Variants in PRDM1 observed in about 807,000 individuals in gnomAD.
PRDM1 encodes the protein PR/SET domain 1.
A neutral mutation model predicts 62.8 loss-of-function variants in PRDM1; 13 were observed. The ratio of observed to expected loss-of-function variants is 0.21; its 90% CI spans 0.13 to 0.33. The LOEUF (loss-of-function observed/expected upper bound fraction) is 0.33, where lower values mean the gene tolerates loss of function less well. PRDM1 is among the 10% of genes least tolerant of loss of function. The pLI is 1.00. For missense variants in PRDM1, 895 were observed against 1,058.8 expected (o/e 0.85, Z 2.15); for synonymous variants, 396 against 417.6 (o/e 0.95, Z 0.63).
intron 1 of PRDM1, among the ~76,000 whole-genome samples, chr6:106,072,951 T>G (rs1436998367): frequency 1.3e-5 from 2 of 151,748 alleles, no homozygotes; most frequent in African/African-American, 4.8e-5. Flanking sequence ...TACAAGGGAG[T>G]AGTAGAAGGG....
chr6:106,095,188 C>T (rs1774078151), intron 2 of PRDM1, among the ~76,000 whole-genome samples: 1 of 152,288 alleles, frequency 6.6e-6, no homozygotes, highest in South Asian at 2.1e-4. Flanking sequence ...TTATTCCCCT[C>T]AAGCACACTA....
At chr6:105,999,557 A>G (rs1772403423) in intron 1 of PRDM1, among the ~76,000 whole-genome samples, 1 of 152,076 alleles carries the variant, frequency 6.6e-6, no homozygotes, top group South Asian at 2.1e-4. Context: ...GCCTTACACT[A>G]AGTCCTCTCA....
At chr6:106,069,496 G>A (rs1004309296) in intron 1 of PRDM1, among the ~76,000 whole-genome samples, 1 of 152,138 alleles carries the variant, frequency 6.6e-6, no homozygotes, top group Admixed American at 6.6e-5. Flanking sequence ...TTTTATAGTT[G>A]TAACAATCAT....
At chr6:106,072,526 G>A (rs966222649) in intron 1 of PRDM1, among the ~76,000 whole-genome samples, 1 of 152,172 alleles carries the variant, frequency 6.6e-6, no homozygotes, top group African/African-American at 2.4e-5. Context: ...TATATAGAGA[G>A]AACAATTCCC....
rs1772725492 is a variant in PRDM1, at chr6:106,023,486, A to ATT, written c.-67+29847_-67+29848insTT. ...GAGACTCTGTCTCAAAAAAAAAAAA[A>ATT]AATAAATAATGATTTGAAGTAAGTT... On this transcript the variant is annotated intron_variant, in intron 1 of 6. Coordinates refer to the PRDM1 transcript ENST00000652320. Among the ~76,000 whole-genome samples the ATT allele has an allele frequency of 2.0e-5, 3 of 151,872 alleles. No individual in the cohort carries two copies. In the South Asian group the frequency reaches 6.3e-4, roughly 32 times the overall value.
intron 1 of PRDM1, among the ~76,000 whole-genome samples, chr6:106,066,743 T>C (rs1332559734): frequency 1.3e-5 from 2 of 152,226 alleles, no homozygotes; most frequent in African/African-American, 4.8e-5. Flanking sequence ...TCTAGTCTTT[T>C]TTTCCTGTGG....
intron 4 of PRDM1, among the ~76,000 whole-genome samples, chr6:106,103,834 C>T (rs1356116579): frequency 6.6e-6 from 1 of 152,080 alleles, no homozygotes; most frequent in Admixed American, 6.5e-5. Flanking sequence ...TCAGGAAGTA[C>T]CTATTGTGGT....
In PRDM1 at chr6:106,105,823, A is replaced by G; in HGVS notation, c.1663A>G (p.Asn555Asp). Reference sequence around the variant, plus strand: ...CATGAATCTCATTAAAAACAAAAGAAACATGACCGGCTACAAGACCCTTCC... The same window carrying G: ...CATGAATCTCATTAAAAACAAAAGAGACATGACCGGCTACAAGACCCTTCC... ...EAMNLIKNKRNMTGYKTLPYP... is the reference protein window; with the variant it reads ...EAMNLIKNKRDMTGYKTLPYP... The change falls in exon 5 of 7, where the codon AAC (asparagine) becomes GAC (aspartate). Residue 555 changes from asparagine to aspartate, a missense_variant. By Grantham distance (23) the Asn-to-Asp change is conservative (BLOSUM62 1). Around this residue, in one of 4 missense-constraint regions of PRDM1, gnomAD observed 74 missense variants for 172.4 expected, o/e 0.43. Coordinates refer to ENST00000369096, the MANE Select transcript of PRDM1 (RefSeq NM_001198.4). 6.2e-7 allele frequency: 1 copy of G among 1,614,136 alleles called. No homozygotes were observed. The highest frequency in any genetic ancestry group is 1.1e-5 in the South Asian group (1 of 91,082).
At chr6:106,021,942 G>A (rs1202905810) in intron 1 of PRDM1, among the ~76,000 whole-genome samples, 1 of 152,136 alleles carries the variant, frequency 6.6e-6, no homozygotes, top group Non-Finnish European at 1.5e-5. Flanking sequence ...TTCTTCAAGT[G>A]TGTATCAACT....
At chr6:106,023,299 A>G (rs1772721235) in intron 1 of PRDM1, among the ~76,000 whole-genome samples, 1 of 151,756 alleles carries the variant, frequency 6.6e-6, no homozygotes, top group African/African-American at 2.4e-5. Context: ...AGTGTTTGTA[A>G]GATTCTGGCA....
upstream of PRDM1, chr6:106,046,093 GA>G (rs572226488): frequency 3.4e-5 from 5 of 147,058 alleles, no homozygotes; most frequent in African/African-American, 1.0e-4. Flanking sequence ...GAGAAGAAGG[GA>G]AAAAAAAACA....
chr6:106,074,571 A>C (rs1773571092), intron 1 of PRDM1, among the ~76,000 whole-genome samples: 1 of 152,238 alleles, frequency 6.6e-6, no homozygotes, highest in Non-Finnish European at 1.5e-5. Context: ...TTTCCATTAA[A>C]ACCAAGTAGA....
chr6:106,107,902 T>G lies in PRDM1; in HGVS notation c.*416T>G. ...AAGCAATAATTAAAAAAGTTTACAA[T>G]GACTGGAAAGATTCCTTGTAATTTG... On this transcript the variant is annotated 3_prime_UTR_variant, in exon 7 of 7. Transcript: ENST00000369096. 2 of 232,352 alleles carry G rather than the reference T, an allele frequency of 8.6e-6. No individual in the cohort carries two copies. Among genetic ancestry groups the G allele is most frequent in the Non-Finnish European group, 1.7e-5 (2 of 117,288 alleles). 14.4% of individuals were successfully genotyped at this position (232,352 alleles called of 1,614,324 possible).
At chr6:106,048,705 G>A (rs1303716359) in exon 1 of PRDM1, among the ~76,000 whole-genome samples, 2 of 152,160 alleles carry the variant, frequency 1.3e-5, no homozygotes, top group Non-Finnish European at 2.9e-5. Context: ...GAATACTGAA[G>A]GCCAGAAAGG....
At chr6:106,030,185 T>C (rs1772823071) in intron 1 of PRDM1, among the ~76,000 whole-genome samples, 1 of 152,204 alleles carries the variant, frequency 6.6e-6, no homozygotes, top group Non-Finnish European at 1.5e-5. Flanking sequence ...TTGTTTGTTT[T>C]TGAGACACAG....
rs566968574 is a variant in PRDM1, at chr6:106,108,673, G to A, written c.*1187G>A. 4.3e-6 allele frequency: 1 copy of A among 233,358 alleles called. No individual in the cohort carries two copies. The highest frequency in any genetic ancestry group is 1.8e-4 in the South Asian group (1 of 5,490). The allele number at this position is 233,358 out of a possible 1,614,324, so 14.5% of individuals were successfully genotyped here. A position where few individuals can be genotyped will look rare whatever the true frequency, so the allele number is the denominator to read the frequency against. On this transcript the variant is annotated 3_prime_UTR_variant, in exon 7 of 7. Coordinates refer to ENST00000369096, the MANE Select transcript of PRDM1 (RefSeq NM_001198.4). The stretch of plus-strand genomic sequence containing the variant: ...TCTAGTCATCTTGGGGTAAAAGCGG[G>A]TAATGAACATTCCTATCCCCAACAC...
At chr6:106,011,443 C>T (rs1772547398) in intron 1 of PRDM1, among the ~76,000 whole-genome samples, 1 of 152,134 alleles carries the variant, frequency 6.6e-6, no homozygotes, top group South Asian at 2.1e-4. Context: ...CCAGGACTTG[C>T]CTGGGTCTGT....
rs750485966 is a variant in PRDM1 at position 106,105,242 on chromosome 6, C to T, written c.1082C>T (p.Ser361Phe). The change falls in exon 5 of 7, where the codon TCC becomes TTC. Residue 361 changes from serine (S) to phenylalanine (F), a missense_variant. Ser to Phe is a radical substitution (Grantham distance 155). Coordinates refer to ENST00000369096, the MANE Select transcript of PRDM1 (RefSeq NM_001198.4). Reference sequence around the variant, plus strand: ...CACAGCAGCCCTGGGAATACGGTGTCCCCTGTGGGCCCCGGCTCTCAAGAG... The same window carrying T: ...CACAGCAGCCCTGGGAATACGGTGTTCCCTGTGGGCCCCGGCTCTCAAGAG... ...SPHSSPGNTV[S>F]PVGPGSQEHR... 1.9e-6 allele frequency: 3 copies of T among 1,613,768 alleles called. No homozygotes were observed. Among genetic ancestry groups the T allele is most frequent in the South Asian group, 2.2e-5 (2 of 91,078 alleles).
intron 2 of PRDM1, among the ~76,000 whole-genome samples, chr6:106,089,573 A>G (rs1237247478): frequency 6.6e-6 from 1 of 152,226 alleles, no homozygotes; most frequent in Non-Finnish European, 1.5e-5. Context: ...AAATAGAACA[A>G]CGATGCTCAG....
Sources: gnomAD v4.1 joint callset for allele counts (sites outside exome capture counted in the v4.1 genomes callset) on GRCh38, gnomAD v4.1.1 for gene constraint, gnomAD v4.1.1 regional missense constraint, MANE v1.5 for transcripts, NCBI Gene and HGNC (gene_info 2026-07-23, HGNC 2026-07-21) for gene names.